HHAT: variants seen among roughly 807,000 people sequenced by gnomAD.
HHAT encodes the protein protein-cysteine N-palmitoyltransferase HHAT.
HHAT carries 47 observed loss-of-function variants against 70.8 expected under a neutral mutation model. The observed-to-expected ratio is 0.66, with a 90% CI of 0.53 to 0.85. HHAT has a LOEUF of 0.85. Ranked by LOEUF, HHAT falls within the 40% of genes least tolerant of loss-of-function variation. The pLI is 0.00. For synonymous variants in HHAT, 228 were observed against 247.6 expected (o/e 0.92, Z 0.74); for missense variants, 609 against 604.8 (o/e 1.01, Z -0.07).
chr1:210,495,201 TTATA>T (rs1346036761), intron 8 of HHAT, among the ~76,000 whole-genome samples: 8 of 151,566 alleles, frequency 5.3e-5, no homozygotes, highest in Admixed American at 3.9e-4. Flanking sequence ...ATTATAAACT[TTATA>T]TATAGTATAG....
At chr1:210,504,442 T>A (rs1017142202) in intron 8 of HHAT, among the ~76,000 whole-genome samples, 9 of 152,238 alleles carry the variant, frequency 5.9e-5, no homozygotes, top group African/African-American at 2.2e-4. Context: ...AGGGATTAAC[T>A]TTTTGCCTGT....
chr1:210,562,295 C>A (rs964565278), intron 9 of HHAT, among the ~76,000 whole-genome samples: 1 of 150,774 alleles, frequency 6.6e-6, no homozygotes, highest in African/African-American at 2.4e-5. Flanking sequence ...GCATCGTTGA[C>A]GTTGGGGGCT....
intron 9 of HHAT, among the ~76,000 whole-genome samples, chr1:210,543,078 A>C (rs2095446791): frequency 6.6e-6 from 1 of 152,152 alleles, no homozygotes; most frequent in Non-Finnish European, 1.5e-5. Context: ...CTTTTTCTGA[A>C]GCCTTTATGG....
intron 9 of HHAT, among the ~76,000 whole-genome samples, chr1:210,566,920 C>T (rs1481879597): frequency 1.3e-5 from 2 of 152,242 alleles, no homozygotes; most frequent in African/African-American, 4.8e-5. Flanking sequence ...AAGCCATTCA[C>T]AGATGGCAAG....
chr1:210,516,027 G>A (rs953297317), intron 9 of HHAT, among the ~76,000 whole-genome samples: 1 of 152,020 alleles, frequency 6.6e-6, no homozygotes, highest in South Asian at 2.1e-4. Context: ...CCGAGATGGG[G>A]CCACTATACT....
At chr1:210,579,637 G>T (rs1490408372) in intron 9 of HHAT, among the ~76,000 whole-genome samples, 1 of 152,188 alleles carries the variant, frequency 6.6e-6, no homozygotes, top group African/African-American at 2.4e-5. Context: ...AGCTGAGCAG[G>T]TTTACTTGAC....
intron 7 of HHAT, among the ~76,000 whole-genome samples, chr1:210,426,991 T>C (rs1427503554): frequency 6.6e-6 from 1 of 152,162 alleles, no homozygotes; most frequent in African/African-American, 2.4e-5. Context: ...GTTGGTAAGT[T>C]ATTTATTACT....
chr1:210,431,412 TTA>T (rs958687811), intron 7 of HHAT, among the ~76,000 whole-genome samples: 4 of 151,812 alleles, frequency 2.6e-5, no homozygotes, highest in Non-Finnish European at 4.4e-5. Context: ...TGCTCTTGCT[TTA>T]TATATATATT....
chr1:210,607,189 G>A (rs1399357035), intron 10 of HHAT, among the ~76,000 whole-genome samples: 1 of 151,698 alleles, frequency 6.6e-6, no homozygotes, highest in Non-Finnish European at 1.5e-5. Context: ...GTGTATAAAT[G>A]GCTTTCATCT....
At chr1:210,661,893 T>G (rs1248367635) in intron 11 of HHAT, among the ~76,000 whole-genome samples, 1 of 151,948 alleles carries the variant, frequency 6.6e-6, no homozygotes, top group African/African-American at 2.4e-5. Flanking sequence ...AAATGACGAG[T>G]TAATGGGTGC....
At chr1:210,540,805 C>T (rs2095422836) in intron 9 of HHAT, among the ~76,000 whole-genome samples, 1 of 151,876 alleles carries the variant, frequency 6.6e-6, no homozygotes, top group Admixed American at 6.6e-5. Context: ...TCACCACACC[C>T]AGCTTAATTT....
intron 9 of HHAT, among the ~76,000 whole-genome samples, chr1:210,544,610 T>G (rs2095466827): frequency 6.6e-6 from 1 of 151,978 alleles, no homozygotes; most frequent in South Asian, 2.1e-4. Flanking sequence ...TGACTTCAGG[T>G]GATCCGCCCT....
intron 7 of HHAT, among the ~76,000 whole-genome samples, chr1:210,463,482 G>A (rs1321786947): frequency 6.6e-6 from 1 of 152,122 alleles, no homozygotes. Flanking sequence ...GCATTTATCA[G>A]TATTTCATTC....
At chr1:210,561,163 C>T (rs1344759278) in intron 9 of HHAT, among the ~76,000 whole-genome samples, 2 of 152,146 alleles carry the variant, frequency 1.3e-5, no homozygotes, top group Non-Finnish European at 2.9e-5. Context: ...TACCCTTGAC[C>T]TTCATCATGG....
intron 7 of HHAT, among the ~76,000 whole-genome samples, chr1:210,433,157 C>T (rs552603399): frequency 6.6e-6 from 1 of 151,772 alleles, no homozygotes; most frequent in African/African-American, 2.4e-5. Flanking sequence ...GAATGACCCC[C>T]TCTGAACACC....
At chr1:210,483,837 GTATAAA>G (rs1392134028) in intron 8 of HHAT, among the ~76,000 whole-genome samples, 39 of 152,282 alleles carry the variant, frequency 2.6e-4, no homozygotes, top group African/African-American at 6.5e-4. Flanking sequence ...AATAATATAA[GTATAAA>G]TACATTTCTG....
intron 10 of HHAT, among the ~76,000 whole-genome samples, chr1:210,621,111 G>A (rs58868503): frequency 0.21 from 32,646 of 151,984 alleles, 3,634 homozygotes; most frequent in Admixed American, 0.26. Context: ...CCAAGTATCA[G>A]CTCCACAGTC....
chr1:210,332,374 G>C (rs559657511), intron 1 of HHAT, among the ~76,000 whole-genome samples: 1 of 152,340 alleles, frequency 6.6e-6, no homozygotes, highest in Admixed American at 6.5e-5. Flanking sequence ...CCTGAAAACT[G>C]TATCACAAAA....
chr1:210,442,777 A>G (rs1016832801), intron 7 of HHAT, among the ~76,000 whole-genome samples: 1 of 152,150 alleles, frequency 6.6e-6, no homozygotes, highest in African/African-American at 2.4e-5. Context: ...GTAGGTTGCG[A>G]AAATTTTCTC....
Sources: allele counts gnomAD v4.1 joint callset (sites outside exome capture counted in the v4.1 genomes callset), GRCh38; gene constraint gnomAD v4.1.1; transcripts MANE v1.5; gene names NCBI Gene and HGNC (gene_info 2026-07-23, HGNC 2026-07-21).